EPB41L1: variants seen among roughly 807,000 people sequenced by gnomAD.
EPB41L1 encodes the protein erythrocyte membrane protein band 4.1 like 1.
EPB41L1 carries 29 observed loss-of-function variants against 97.8 expected under a neutral mutation model. The ratio of observed to expected loss-of-function variants is 0.30; its 90% CI spans 0.22 to 0.40. The LOEUF (loss-of-function observed/expected upper bound fraction) is 0.40. EPB41L1 is among the 10% of genes least tolerant of loss of function. The pLI is 1.00. For synonymous variants in EPB41L1, 383 were observed against 459.2 expected, an observed-to-expected ratio of 0.83 and a Z score of 2.12; for missense variants, 812 against 1,162.3, an observed-to-expected ratio of 0.70 and a Z score of 4.38.
chr20:36,202,503 G>A (rs1372632731), intron 14 of EPB41L1, among the ~76,000 whole-genome samples: 2 of 152,036 alleles, frequency 1.3e-5, no homozygotes, highest in Non-Finnish European at 2.9e-5. Context: ...TCGTATAAAG[G>A]GCAGGCCTGG....
At chr20:36,205,776 A>T in intron 14 of EPB41L1, 1 of 1,218,012 alleles carries the variant, frequency 8.2e-7, no homozygotes, top group Non-Finnish European at 1.1e-6. Context: ...CCCTCTTACA[A>T]AGGGAAAAAC....
chr20:36,225,712 C>T (rs1001900797), intron 21 of EPB41L1, among the ~76,000 whole-genome samples: 1 of 152,068 alleles, frequency 6.6e-6, no homozygotes, highest in Admixed American at 6.5e-5. Context: ...CTTTTCTCAT[C>T]TCTTCTCCAT....
intron 2 of EPB41L1, among the ~76,000 whole-genome samples, chr20:36,139,191 G>C (rs1232486042): frequency 6.6e-6 from 1 of 152,210 alleles, no homozygotes; most frequent in Non-Finnish European, 1.5e-5. Context: ...GAGACGGCCC[G>C]GCTAGGCCAA....
upstream of EPB41L1, chr20:36,152,174 A>G (rs1460857338): frequency 6.6e-6 from 1 of 152,234 alleles, no homozygotes; most frequent in Non-Finnish European, 1.5e-5. Context: ...GACACACAAA[A>G]GTATTTTGCA....
chr20:36,219,733 C>G, intron 18 of EPB41L1, 28 bp from the exon 19 acceptor site: 1 of 1,610,894 alleles, frequency 6.2e-7, no homozygotes, highest in Non-Finnish European at 8.5e-7. Flanking sequence ...ACCTGACACC[C>G]TGGGTGGGGG....
chr20:36,210,172 G>GC (rs1212135874), intron 15 of EPB41L1, among the ~76,000 whole-genome samples: 1 of 152,062 alleles, frequency 6.6e-6, no homozygotes, highest in Admixed American at 6.5e-5. Flanking sequence ...TTGACCCCAT[G>GC]CCCCCCCACC....
intron 21 of EPB41L1, among the ~76,000 whole-genome samples, chr20:36,222,714 T>A (rs574487602): frequency 5.1e-4 from 77 of 152,232 alleles, no homozygotes; most frequent in Middle Eastern, 3.4e-3. Context: ...GATATTGAGG[T>A]GGGACAGATG....
At chr20:36,179,641 GC>G (rs2061395195) in intron 5 of EPB41L1, among the ~76,000 whole-genome samples, 1 of 152,246 alleles carries the variant, frequency 6.6e-6, no homozygotes, top group South Asian at 2.1e-4. Context: ...GCGCCTCGAG[GC>G]AGAGATGCCT....
intron 21 of EPB41L1, among the ~76,000 whole-genome samples, chr20:36,227,534 C>T (rs2064241191): frequency 6.6e-6 from 1 of 152,172 alleles, no homozygotes; most frequent in Non-Finnish European, 1.5e-5. Context: ...AGAAGGGGCT[C>T]AGCAAGGTGA....
intron 1 of EPB41L1, among the ~76,000 whole-genome samples, chr20:36,161,281 T>C (rs1054587387): frequency 6.6e-6 from 1 of 152,180 alleles, no homozygotes; most frequent in Non-Finnish European, 1.5e-5. Context: ...ACCCAGACTG[T>C]CCTTGGACAA....
intron 20 of EPB41L1, among the ~76,000 whole-genome samples, 164 bp downstream of exon 20, chr20:36,222,108 C>G (rs757414020): frequency 1.6e-4 from 25 of 152,260 alleles, no homozygotes; most frequent in Non-Finnish European, 3.1e-4. Flanking sequence ...TGGATGGGAG[C>G]CAGAAGGAGC....
chr20:36,142,444 G>C (rs1222563553), intron 2 of EPB41L1, among the ~76,000 whole-genome samples: 1 of 152,144 alleles, frequency 6.6e-6, no homozygotes, highest in Non-Finnish European at 1.5e-5. Context: ...TCCTAAAAAA[G>C]GAATTTCTGC....
At chr20:36,119,550 T>C (rs927273987) in intron 2 of EPB41L1, among the ~76,000 whole-genome samples, 7 of 151,712 alleles carry the variant, frequency 4.6e-5, no homozygotes, top group African/African-American at 1.5e-4. Context: ...AGAGTCGAGA[T>C]TGAGCCACTG....
intron 1 of EPB41L1, among the ~76,000 whole-genome samples, chr20:36,162,849 C>T (rs1184378468): frequency 2.6e-5 from 4 of 152,176 alleles, no homozygotes; most frequent in Non-Finnish European, 4.4e-5. Flanking sequence ...AAACCTCTGA[C>T]GAATTGCCGT....
At chr20:36,102,606 G>T (rs2058055589) in intron 1 of EPB41L1, among the ~76,000 whole-genome samples, 2 of 152,182 alleles carry the variant, frequency 1.3e-5, no homozygotes, top group African/African-American at 4.8e-5. Context: ...CTGGAAGTCA[G>T]GTCTCCTGCT....
intron 2 of EPB41L1, among the ~76,000 whole-genome samples, chr20:36,137,763 A>G (rs1451868727): frequency 6.6e-6 from 1 of 152,164 alleles, no homozygotes; most frequent in Non-Finnish European, 1.5e-5. Flanking sequence ...ACCTCAGGTG[A>G]TCTGCCCGCC....
chr20:36,224,523 G>A (rs938270234), intron 21 of EPB41L1, among the ~76,000 whole-genome samples: 1 of 152,200 alleles, frequency 6.6e-6, no homozygotes, highest in Non-Finnish European at 1.5e-5. Flanking sequence ...GTGGGTGCCT[G>A]TAGTCCCAGC....
At chr20:36,165,409 G>T (rs779665391) in intron 1 of EPB41L1, among the ~76,000 whole-genome samples, 1 of 152,070 alleles carries the variant, frequency 6.6e-6, no homozygotes. Context: ...TGCTCAGAAA[G>T]AGGAAGTGGC....
At chr20:36,158,078 C>G (rs1433571961) in intron 1 of EPB41L1, among the ~76,000 whole-genome samples, 1 of 146,538 alleles carries the variant, frequency 6.8e-6, no homozygotes, top group Non-Finnish European at 1.5e-5. Flanking sequence ...TTATTCTTCC[C>G]GTTTTACAGA....
Sources: allele counts gnomAD v4.1 joint callset (sites outside exome capture counted in the v4.1 genomes callset), GRCh38; gene constraint gnomAD v4.1.1; transcripts MANE v1.5; gene names NCBI Gene and HGNC (gene_info 2026-07-23, HGNC 2026-07-21).